The following CAMTA1 variants were observed in gnomAD, a reference collection of about 807,000 sequenced individuals.
CAMTA1 encodes the protein calmodulin binding transcription activator 1, also known as calmodulin-binding transcription activator 1.
Under a neutral mutation model 170.9 loss-of-function variants are expected in CAMTA1, and 27 were observed. The ratio of observed to expected loss-of-function variants is 0.16; its 90% CI spans 0.12 to 0.22. CAMTA1 has a LOEUF of 0.22. Among genes scored for constraint, CAMTA1 ranks in the 10% least tolerant of loss-of-function variants. CAMTA1 has a pLI of 1.00. For missense variants in CAMTA1, 1,619 were observed against 2,217.2 expected (o/e 0.73, Z 5.42); for synonymous variants, 833 against 891.5 (o/e 0.93, Z 1.17).
At chr1:6,863,325 C>T (rs1182712585) in intron 3 of CAMTA1, among the ~76,000 whole-genome samples, 2 of 152,198 alleles carry the variant, frequency 1.3e-5, no homozygotes, top group Non-Finnish European at 2.9e-5. Flanking sequence ...TCTCCCCATT[C>T]CCTCCCCAAC....
rs1369882644 is a variant in CAMTA1 at position 7,113,867 on chromosome 1, G to A, written c.302+22496G>A. 6.6e-6 allele frequency among the ~76,000 whole-genome samples: 1 copy of A among 152,168 alleles called. No homozygotes were observed. Among genetic ancestry groups the A allele is most frequent in the Non-Finnish European group, 1.5e-5 (1 of 68,028 alleles). ...TTACTTCTCCGTCCTTTGGTCCAAG[G>A]CTACTGGGAGGGTCAGATGGTGAAA... is the stretch of plus-strand genomic sequence containing the variant. On this transcript the variant is annotated intron_variant, in intron 4 of 22. Transcript: ENST00000303635. This position sits in a 1 kb window ranked among gnomAD's most constrained non-coding sequence, Gnocchi z 4.5.
intron 5 of CAMTA1, among the ~76,000 whole-genome samples, chr1:7,263,911 A>C (rs7556024): frequency 0.74 from 112,165 of 152,144 alleles, 41,434 homozygotes; most frequent in South Asian, 0.82. Context: ...TACTTTCTTG[A>C]ATTTTTAATG....
chr1:7,252,724 T>C (rs1208542504), intron 5 of CAMTA1, among the ~76,000 whole-genome samples: 1 of 152,222 alleles, frequency 6.6e-6, no homozygotes, highest in African/African-American at 2.4e-5. Context: ...TGGACAGTCC[T>C]GCACAGGGTC....
At chr1:7,365,855 G>A (rs1174493096) in intron 5 of CAMTA1, among the ~76,000 whole-genome samples, 2 of 152,196 alleles carry the variant, frequency 1.3e-5, no homozygotes, top group Non-Finnish European at 2.9e-5. Context: ...CGTGGGGATG[G>A]GTGGAAAGCA....
chr1:7,390,956 G>T (rs1446188184), intron 5 of CAMTA1, among the ~76,000 whole-genome samples: 1 of 152,144 alleles, frequency 6.6e-6, no homozygotes, highest in Non-Finnish European at 1.5e-5. Context: ...GCATCCAGCT[G>T]GTTCCTGGGA....
intron 11 of CAMTA1, among the ~76,000 whole-genome samples, chr1:7,722,913 C>T (rs910176052): frequency 8.6e-5 from 13 of 151,744 alleles, no homozygotes; most frequent in African/African-American, 1.9e-4. Context: ...ATAGCAAGAC[C>T]GCAGCTCTAA....
intron 3 of CAMTA1, among the ~76,000 whole-genome samples, chr1:7,029,024 C>G (rs1702414246): frequency 6.6e-6 from 1 of 152,166 alleles, no homozygotes; most frequent in South Asian, 2.1e-4. Flanking sequence ...CCCTTACCCT[C>G]TAGGACAACT....
At chr1:7,536,304 G>GT (rs1213416461) in intron 6 of CAMTA1, among the ~76,000 whole-genome samples, 4 of 152,202 alleles carry the variant, frequency 2.6e-5, no homozygotes, top group Non-Finnish European at 5.9e-5. Context: ...TCATTAAAAA[G>GT]TAACTGCAAC....
At chr1:7,421,307 C>G (rs1463838344) in intron 5 of CAMTA1, among the ~76,000 whole-genome samples, 3 of 152,080 alleles carry the variant, frequency 2.0e-5, no homozygotes, top group Non-Finnish European at 2.9e-5. Flanking sequence ...CGCCCGCCAC[C>G]ACACCCAGCT....
chr1:7,404,311 C>A (rs766274239), intron 5 of CAMTA1, among the ~76,000 whole-genome samples: 7 of 152,220 alleles, frequency 4.6e-5, no homozygotes, highest in Admixed American at 1.3e-4. Flanking sequence ...TCAGACCTCA[C>A]TCTGGCCACT....
intron 21 of CAMTA1, 93 bp downstream of exon 21, chr1:7,752,626 TC>T: frequency 2.1e-6 from 2 of 963,344 alleles, no homozygotes; most frequent in Non-Finnish European, 3.0e-6. Context: ...GTAAAGCTAA[TC>T]CCCCTGCAGA....
chr1:7,122,023 T>A (rs1644672272), intron 4 of CAMTA1, among the ~76,000 whole-genome samples: 1 of 151,912 alleles, frequency 6.6e-6, no homozygotes, highest in South Asian at 2.1e-4. Flanking sequence ...GAAAGGCCCT[T>A]GGGAATGCCG....
intron 4 of CAMTA1, among the ~76,000 whole-genome samples, chr1:7,114,641 A>C (rs1644257943): frequency 1.3e-5 from 2 of 152,238 alleles, no homozygotes; most frequent in African/African-American, 4.8e-5. Flanking sequence ...AAATAATCCC[A>C]AAATCTGCAG....
intron 4 of CAMTA1, among the ~76,000 whole-genome samples, chr1:7,186,024 G>A (rs1653185342): frequency 6.6e-6 from 1 of 152,192 alleles, no homozygotes; most frequent in South Asian, 2.1e-4. Context: ...TTTTATGTCA[G>A]TGTTAATGTT....
At chr1:7,148,585 C>T (rs1208609756) in intron 4 of CAMTA1, among the ~76,000 whole-genome samples, 2 of 152,226 alleles carry the variant, frequency 1.3e-5, no homozygotes, top group Non-Finnish European at 2.9e-5. Context: ...ACGTTGCCAC[C>T]TTCTGAGTGA....
intron 6 of CAMTA1, among the ~76,000 whole-genome samples, chr1:7,591,884 G>T (rs2095358081): frequency 6.6e-6 from 1 of 151,996 alleles, no homozygotes; most frequent in African/African-American, 2.4e-5. Context: ...TTCACAGTTT[G>T]TTTGTTTATT....
At chr1:7,730,814 GC>G (rs2096726415) in intron 11 of CAMTA1, among the ~76,000 whole-genome samples, 1 of 151,952 alleles carries the variant, frequency 6.6e-6, no homozygotes, top group Non-Finnish European at 1.5e-5. Flanking sequence ...CAAGATAATC[GC>G]TTAAACTCAG....
intron 22 of CAMTA1, among the ~76,000 whole-genome samples, chr1:7,758,949 A>T (rs891407006): frequency 4.0e-5 from 6 of 151,634 alleles, no homozygotes; most frequent in Admixed American, 6.6e-5. Flanking sequence ...AAAAAAAAAA[A>T]AAAAAAGATA....
rs200096946 is a variant in CAMTA1 at position 7,664,536 on chromosome 1, G to C, written c.1989G>C (p.Glu663Asp). Residue 663 changes from glutamate (E) to aspartate (D), a missense_variant, in exon 9 of 23, where the codon GAG (glutamate) becomes GAC (aspartate). This residue lies in a region of CAMTA1 where 731 missense variants were observed against 907.6 expected (regional missense o/e 0.81). Transcript: ENST00000303635. The stretch of plus-strand genomic sequence containing the variant: ...CCAGCTCCTGCAGCGGTCACGTGGA[G>C]ACGCGGATCGAGTCCACTTCCTCCC... ...SQTSSCSGHV[E>D]TRIESTSSLH... 106 of 1,613,266 alleles carry C rather than the reference G, an allele frequency of 6.6e-5. No individual in the cohort carries two copies. In the Admixed American group the frequency reaches 1.1e-3, roughly 16 times the overall value.
Sources: gnomAD v4.1 joint callset for allele counts (sites outside exome capture counted in the v4.1 genomes callset) on GRCh38, gnomAD v4.1.1 for gene constraint, gnomAD v4.1.1 regional missense constraint, Gnocchi (gnomAD v3.1) non-coding constraint, MANE v1.5 for transcripts, NCBI Gene and HGNC (gene_info 2026-07-23, HGNC 2026-07-21) for gene names.